Variants in SLC9B1 observed in about 807,000 individuals in gnomAD.
SLC9B1 encodes solute carrier family 9 member B1.
SLC9B1 carries 32 observed loss-of-function variants against 51.7 expected under a neutral mutation model. The ratio of observed to expected loss-of-function variants is 0.62; its 90% CI spans 0.47 to 0.83. The LOEUF (loss-of-function observed/expected upper bound fraction) is 0.83, where lower values mean the gene tolerates loss of function less well. Ranked by LOEUF, SLC9B1 falls within the 40% of genes least tolerant of loss-of-function variation. SLC9B1 has a pLI of 0.00. For synonymous variants in SLC9B1, 145 were observed against 212.7 expected (o/e 0.68, Z 2.77); for missense variants, 406 against 613.2 (o/e 0.66, Z 3.57).
At chr4:102,994,867 C>T (rs1486433583) in intron 1 of SLC9B1, among the ~76,000 whole-genome samples, 1 of 152,126 alleles carries the variant, frequency 6.6e-6, no homozygotes, top group African/African-American at 2.4e-5. Context: ...GGGAAACCAC[C>T]CCCATGATCC....
At chr4:102,954,033 C>A (rs1270994843) in intron 3 of SLC9B1, among the ~76,000 whole-genome samples, 1 of 45,336 alleles carries the variant, frequency 2.2e-5, no homozygotes, top group African/African-American at 1.7e-4. Flanking sequence ...TGAGAGAGGG[C>A]ATCCCTGTCT....
intron 3 of SLC9B1, among the ~76,000 whole-genome samples, chr4:102,951,046 C>G (rs1164000836): frequency 6.6e-6 from 1 of 152,008 alleles, no homozygotes; most frequent in Admixed American, 6.6e-5. Flanking sequence ...AAAACACGGA[C>G]AAGAAAATGT....
intron 7 of SLC9B1, among the ~76,000 whole-genome samples, chr4:102,931,685 A>G (rs1303725858): frequency 6.6e-6 from 1 of 152,222 alleles, no homozygotes; most frequent in Non-Finnish European, 1.5e-5. Context: ...TAACACTACC[A>G]TTAAGGCATA....
chr4:102,917,293 C>A (rs1267801972), intron 7 of SLC9B1, among the ~76,000 whole-genome samples: 2 of 152,022 alleles, frequency 1.3e-5, no homozygotes, highest in African/African-American at 2.4e-5. Flanking sequence ...TCCTTGGGAG[C>A]CATGCTTTAG....
chr4:102,926,701 C>T (rs958504189), intron 7 of SLC9B1, among the ~76,000 whole-genome samples: 3 of 152,060 alleles, frequency 2.0e-5, no homozygotes, highest in Non-Finnish European at 2.9e-5. Flanking sequence ...CAATACTATC[C>T]CCATCAAGCT....
At chr4:102,919,196 A>C (rs1735737146) in intron 7 of SLC9B1, among the ~76,000 whole-genome samples, 1 of 152,204 alleles carries the variant, frequency 6.6e-6, no homozygotes, top group Non-Finnish European at 1.5e-5. Flanking sequence ...GCTCCTTGTT[A>C]CTTCTGCAAA....
chr4:103,006,678 G>A (rs1433609826), intron 1 of SLC9B1, among the ~76,000 whole-genome samples: 1 of 152,006 alleles, frequency 6.6e-6, no homozygotes, highest in Non-Finnish European at 1.5e-5. Flanking sequence ...ACCTGGCAGA[G>A]ACACAATAAA....
intron 7 of SLC9B1, among the ~76,000 whole-genome samples, chr4:102,924,914 G>A (rs1323750722): frequency 6.6e-6 from 1 of 152,206 alleles, no homozygotes; most frequent in African/African-American, 2.4e-5. Flanking sequence ...AACAGGTGCT[G>A]GAGAGGTTAT....
In SLC9B1 at chr4:102,966,520, C is replaced by T. The variant is rs183683284; in HGVS notation, c.212-17093G>A. On this transcript the variant is annotated intron_variant, in intron 3 of 11. Transcript: ENST00000296422. Reference sequence around the variant, plus strand: ...TATCTTGTGGAATGGCAGCCTGAGCCATACCTGGGTATGATTGTGCCATGG... The same window carrying T: ...TATCTTGTGGAATGGCAGCCTGAGCTATACCTGGGTATGATTGTGCCATGG... 2.3e-3 allele frequency among the ~76,000 whole-genome samples: 356 copies of T among 152,322 alleles called. 2 individuals carry two copies. Among genetic ancestry groups the T allele is most frequent in the African/African-American group, 8.4e-3 (348 of 41,560 alleles).
chr4:102,926,501 C>T (rs1380700433), intron 7 of SLC9B1, among the ~76,000 whole-genome samples: 1 of 152,272 alleles, frequency 6.6e-6, no homozygotes, highest in Non-Finnish European at 1.5e-5. Flanking sequence ...TTCACAATTG[C>T]TACAAAGAGA....
chr4:102,907,948 C>G (rs1026328349), intron 9 of SLC9B1, among the ~76,000 whole-genome samples: 6 of 152,060 alleles, frequency 3.9e-5, no homozygotes, highest in Non-Finnish European at 7.4e-5. Flanking sequence ...TATTGATTTG[C>G]ATTTCATTCA....
At chr4:102,903,372 C>A (rs1430690737) in intron 11 of SLC9B1, among the ~76,000 whole-genome samples, 1 of 152,042 alleles carries the variant, frequency 6.6e-6, no homozygotes, top group East Asian at 1.9e-4. Flanking sequence ...GTTAATTGAG[C>A]ACCACCATAT....
intron 3 of SLC9B1, among the ~76,000 whole-genome samples, chr4:102,972,288 C>T (rs960592227): frequency 6.6e-6 from 1 of 152,160 alleles, no homozygotes; most frequent in African/African-American, 2.4e-5. Flanking sequence ...AGAGCTTAAC[C>T]ACCACTATCA....
chr4:102,941,374 T>C, intron 6 of SLC9B1: 1 of 421,226 alleles, frequency 2.4e-6, no homozygotes, highest in Non-Finnish European at 4.8e-6. Context: ...AAACACGTAG[T>C]CAACAAGTAT....
At chr4:102,968,943 T>C (rs772311267) in intron 3 of SLC9B1, among the ~76,000 whole-genome samples, 1 of 152,128 alleles carries the variant, frequency 6.6e-6, no homozygotes, top group Non-Finnish European at 1.5e-5. Flanking sequence ...AGCGCAGCAG[T>C]CCGAGATGGA....
At chr4:103,005,190 A>G (rs1056677797) in intron 1 of SLC9B1, among the ~76,000 whole-genome samples, 1 of 152,086 alleles carries the variant, frequency 6.6e-6, no homozygotes, top group Non-Finnish European at 1.5e-5. Context: ...TGTCTTCAAA[A>G]GACTCATCTC....
chr4:102,909,462 G>A (rs1164258461), intron 9 of SLC9B1, among the ~76,000 whole-genome samples: 1 of 152,158 alleles, frequency 6.6e-6, no homozygotes, highest in Admixed American at 6.5e-5. Flanking sequence ...AATTTGCTGG[G>A]TGTGGTGGTG....
chr4:102,966,011 G>A (rs1738406696), intron 3 of SLC9B1, among the ~76,000 whole-genome samples: 1 of 152,174 alleles, frequency 6.6e-6, no homozygotes, highest in South Asian at 2.1e-4. Context: ...TATCCCTAAA[G>A]CCTTGGGCAG....
At chr4:102,926,139 C>A (rs571782400) in intron 7 of SLC9B1, among the ~76,000 whole-genome samples, 271 of 152,388 alleles carry the variant, frequency 1.8e-3, no homozygotes, top group African/African-American at 5.3e-3. Context: ...CAGCCAATAT[C>A]ATACTGAATG....
Sources: allele counts gnomAD v4.1 joint callset (sites outside exome capture counted in the v4.1 genomes callset), GRCh38; gene constraint gnomAD v4.1.1; transcripts MANE v1.5; gene names NCBI Gene and HGNC (gene_info 2026-07-23, HGNC 2026-07-21).